The following ZNF189 variants were observed in gnomAD, a reference collection of about 807,000 sequenced individuals.
The protein encoded by ZNF189 is zinc finger protein 189.
Under a neutral mutation model 53.5 loss-of-function variants are expected in ZNF189, and 33 were observed. That is an observed-to-expected ratio of 0.62 (90% confidence interval 0.47 to 0.82). The LOEUF (loss-of-function observed/expected upper bound fraction) is 0.82. Ranked by LOEUF, ZNF189 falls within the 40% of genes least tolerant of loss-of-function variation. The pLI, the probability that ZNF189 is intolerant of heterozygous loss-of-function variation, is 0.00. For missense variants in ZNF189, 711 were observed against 753.9 expected, an observed-to-expected ratio of 0.94 and a Z score of 0.67; for synonymous variants, 247 against 238.8, an observed-to-expected ratio of 1.03 and a Z score of -0.32.
Position 101,409,097 on chromosome 9 carries a change from T to C in ZNF189, c.1329T>C (p.Leu443=), listed in dbSNP as rs916216956. The change falls in exon 3 of 3, where the codon CTT becomes CTC. Residue 443 remains leucine, a synonymous_variant. Transcript: ENST00000339664. ...TKESFDPNCS[L]VIQQEVYPKE... is the part of the protein sequence containing the mutation. Reference sequence around the variant, plus strand: ...AAAGTTTTGATCCAAATTGCAGTCTTGTTATACAGCAGGAAGTCTACCCTA... The same window carrying C: ...AAAGTTTTGATCCAAATTGCAGTCTCGTTATACAGCAGGAAGTCTACCCTA... 6.2e-7 allele frequency: 1 copy of C among 1,613,756 alleles called. No individual in the cohort carries two copies. Among genetic ancestry groups the C allele is most frequent in the Non-Finnish European group, 8.5e-7 (1 of 1,179,968 alleles).
Position 101,409,288 on chromosome 9 carries a change from CT to C in ZNF189, c.1521del (p.Gly508ValfsTer86). 6.2e-7 allele frequency: 1 copy of C among 1,614,180 alleles called. No homozygotes were observed. Among genetic ancestry groups the C allele is most frequent in the Non-Finnish European group, 8.5e-7 (1 of 1,180,018 alleles). On this transcript the variant is annotated frameshift_variant, in exon 3 of 3. Transcript: ENST00000339664. LOFTEE classifies it high-confidence loss of function. ...CTTATTGAACATCAGAGAATCCACACTGGTGAGAGACCCTATCTGTGCAGAC... is the reference window on the plus strand; with the variant it reads ...CTTATTGAACATCAGAGAATCCACACGGTGAGAGACCCTATCTGTGCAGAC... The part of the protein sequence containing the change: ...SFLIEHQRIH[T>X]GERPYLCRQC...
intron 2 of ZNF189, among the ~76,000 whole-genome samples, chr9:101,406,188 G>T (rs1009798035): frequency 6.6e-6 from 1 of 152,072 alleles, no homozygotes; most frequent in African/African-American, 2.4e-5. Context: ...GGAAGAGGTT[G>T]GGCTTGGAAA....
intron 2 of ZNF189, among the ~76,000 whole-genome samples, chr9:101,404,010 G>A (rs549411817): frequency 1.3e-5 from 2 of 152,272 alleles, no homozygotes; most frequent in East Asian, 3.9e-4. Flanking sequence ...AATAACTAGC[G>A]ATTTCAGTTT....
Position 101,402,777 on chromosome 9 carries a change from A to T in ZNF189, c.160+2767A>T, listed in dbSNP as rs545905440. ...TAGCACAGAGCCAGGCCTATATTAT[A>T]TGCTTCTTAAATATTTATATGACTG... On this transcript the variant is annotated intron_variant, in intron 2 of 2. Coordinates refer to ENST00000339664, the MANE Select transcript of ZNF189 (RefSeq NM_003452.4). Among the ~76,000 whole-genome samples the T allele has an allele frequency of 2.6e-5, 4 of 152,142 alleles. No homozygotes were observed. The East Asian group carries it at 7.7e-4, about 29-fold the overall frequency.
At chr9:101,399,830 G>A (rs888399965) in intron 1 of ZNF189, 54 bp from the exon 2 acceptor site, 6 of 1,610,818 alleles carry the variant, frequency 3.7e-6, no homozygotes, top group African/African-American at 1.3e-5. Context: ...ACTTTTAGTG[G>A]TAGAATTGTC....
chr9:101,399,229 G>C, intron 1 of ZNF189, 40 bp downstream of exon 1: 1 of 1,542,594 alleles, frequency 6.5e-7, no homozygotes, highest in Non-Finnish European at 8.9e-7. Context: ...TTGTCTCGCC[G>C]CTACCCCAGC....
In ZNF189 at chr9:101,398,861, T is replaced by C; in HGVS notation, c.-296T>C. 1.7e-6 allele frequency: 1 copy of C among 597,470 alleles called. No homozygotes were observed. Among genetic ancestry groups the C allele is most frequent in the South Asian group, 2.0e-5 (1 of 50,470 alleles). 37.0% of individuals were successfully genotyped at this position (597,470 alleles called of 1,614,324 possible). ...GGTCCGGGGGCGGGCGGTCATAGCG[T>C]TACTTGGCTGCAAGGAGGAGGAACT... On this transcript the variant is annotated 5_prime_UTR_variant, in exon 1 of 3. Transcript: ENST00000339664.
intron 2 of ZNF189, among the ~76,000 whole-genome samples, chr9:101,404,438 T>C (rs1331516358): frequency 6.6e-6 from 1 of 152,206 alleles, no homozygotes; most frequent in East Asian, 1.9e-4. Flanking sequence ...TTGAATCTCT[T>C]TAGCCATTTG....
intron 2 of ZNF189, among the ~76,000 whole-genome samples, chr9:101,403,716 G>A (rs1929488): frequency 0.079 from 12,052 of 152,216 alleles, 542 homozygotes; most frequent in Middle Eastern, 0.16. Context: ...AAACGTTCTG[G>A]TCTTTGTTCC....
In ZNF189 at chr9:101,408,830, T is replaced by C. The variant is rs1352182137; in HGVS notation, c.1062T>C (p.Ser354=). 4 of 1,613,998 alleles carry C rather than the reference T, an allele frequency of 2.5e-6. No individual in the cohort carries two copies. The highest frequency in any genetic ancestry group is 3.4e-6 in the Non-Finnish European group (4 of 1,180,018). Residue 354 remains serine, a synonymous_variant, in exon 3 of 3, where the codon AGT becomes AGC. Coordinates refer to ENST00000339664, the MANE Select transcript of ZNF189 (RefSeq NM_003452.4). ...GTATTGAGTGTGGAAAAAGTTTCAG[T>C]CGGAGCTCATTCCTTATTGAACATC... The part of the protein sequence containing the change: ...FLCIECGKSF[S]RSSFLIEHQR...
chr9:101,401,346 T>C (rs1830525194), intron 2 of ZNF189, among the ~76,000 whole-genome samples: 1 of 152,210 alleles, frequency 6.6e-6, no homozygotes, highest in Non-Finnish European at 1.5e-5. Context: ...TAAAGGCCAA[T>C]AAGCATGAAC....
At position 101,399,149 on chromosome 9, in the gene ZNF189, C is replaced by T. The variant is rs1830432098; in HGVS notation, c.-8C>T. ...CCCCAATTCCTGCCCCTATTCTCTG[C>T]CTGGGAGATGGCTTCCCCGAGCCCC... On this transcript the variant is annotated 5_prime_UTR_variant, in exon 1 of 3. Coordinates refer to ENST00000339664, the MANE Select transcript of ZNF189 (RefSeq NM_003452.4). 1 of 1,591,562 alleles carries T rather than the reference C, an allele frequency of 6.3e-7. No individual in the cohort carries two copies. The highest frequency in any genetic ancestry group is 8.6e-7 in the Non-Finnish European group (1 of 1,160,306).
Position 101,408,283 on chromosome 9 carries a change from G to T in ZNF189, c.515G>T (p.Gly172Val). 1 of 1,614,146 alleles carries T rather than the reference G, an allele frequency of 6.2e-7. No individual in the cohort carries two copies. The highest frequency in any genetic ancestry group is 8.5e-7 in the Non-Finnish European group (1 of 1,180,018). ...HFIQHQRVHT[G>V]EKPFQCNECG... ...ATTCAACATCAAAGGGTCCATACTG[G>T]TGAGAAACCTTTTCAGTGCAATGAA... Residue 172 changes from glycine to valine, a missense_variant, in exon 3 of 3, where the codon GGT (glycine) becomes GTT (valine). Physicochemically the swap from Gly to Val is moderately radical, Grantham distance 109. Coordinates refer to ENST00000339664, the MANE Select transcript of ZNF189 (RefSeq NM_003452.4).
At chr9:101,407,857 G>T in intron 2 of ZNF189, 72 bp from the exon 3 acceptor site, 1 of 1,387,240 alleles carries the variant, frequency 7.2e-7, no homozygotes, top group African/African-American at 1.5e-5. Flanking sequence ...TTCTTTGTTT[G>T]CCCATCTTAC....
chr9:101,408,725 T>G lies in ZNF189; in HGVS notation c.957T>G (p.Gly319=). The G allele has an allele frequency of 6.2e-7, 1 of 1,614,136 alleles. No individual in the cohort carries two copies. Among genetic ancestry groups the G allele is most frequent in the South Asian group, 1.1e-5 (1 of 91,074 alleles). ...CTGGGGAAAGACCCCATAAATGTGG[T>G]GAATGTGGGAAAGCCTTTCGATTAA... The part of the protein sequence containing the change: ...IHTGERPHKC[G]ECGKAFRLST... The change falls in exon 3 of 3, where the codon GGT becomes GGG. Residue 319 remains glycine (G), a synonymous_variant. Coordinates refer to ENST00000339664, the MANE Select transcript of ZNF189 (RefSeq NM_003452.4).
Position 101,398,892 on chromosome 9 carries a change from C to T in ZNF189, c.-265C>T. 2.3e-6 allele frequency: 1 copy of T among 425,586 alleles called. No homozygotes were observed. The highest frequency in any genetic ancestry group is 4.2e-6 in the Non-Finnish European group (1 of 237,278). 26.4% of individuals were successfully genotyped at this position (425,586 alleles called of 1,614,324 possible). A position where few individuals can be genotyped will look rare whatever the true frequency, so the allele number is the denominator to read the frequency against. ...GGCTGCAAGGAGGAGGAACTGGCAG[C>T]GGGGAGGAGGCTCTAGCGAGGCCTG... On this transcript the variant is annotated 5_prime_UTR_variant, in exon 1 of 3. Coordinates refer to ENST00000339664, the MANE Select transcript of ZNF189 (RefSeq NM_003452.4).
At position 101,399,178 on chromosome 9, in the gene ZNF189, C is replaced by G. The variant is rs1246416106; in HGVS notation, c.22C>G (p.Pro8Ala). 1 of 1,595,738 alleles carries G rather than the reference C, an allele frequency of 6.3e-7. No homozygotes were observed. Among genetic ancestry groups the G allele is most frequent in the African/African-American group, 1.3e-5 (1 of 74,390 alleles). ...GGAGATGGCTTCCCCGAGCCCCCCGCCGGAGTCGAAGGTAAGTAAGCACCC... is the reference window on the plus strand; with the variant it reads ...GGAGATGGCTTCCCCGAGCCCCCCGGCGGAGTCGAAGGTAAGTAAGCACCC... MASPSPPPESKGLLTFED... is the reference protein window; with the variant it reads MASPSPPAESKGLLTFED... Residue 8 changes from proline to alanine, a missense_variant, in exon 1 of 3, where the codon CCG becomes GCG. Coordinates refer to ENST00000339664, the MANE Select transcript of ZNF189 (RefSeq NM_003452.4).
rs753746192 is a variant in ZNF189, at chr9:101,407,987, T to G, written c.219T>G (p.Ile73Met). The G allele has an allele frequency of 3.9e-5, 62 of 1,605,334 alleles. No individual in the cohort carries two copies. Among genetic ancestry groups the G allele is most frequent in the Middle Eastern group, 1.7e-4 (1 of 6,036 alleles). ...CTGTAAAACAAGAGATTGAAGAAAT[T>G]GAGGAAGAAGTGGAACCACAGGGTG... Reference protein sequence around the residue: ...EPTVKQEIEEIEEEVEPQGVI... With the variant: ...EPTVKQEIEEMEEEVEPQGVI... Residue 73 changes from isoleucine to methionine, a missense_variant, in exon 3 of 3, where the codon ATT becomes ATG. Transcript: ENST00000339664.
chr9:101,406,781 T>C (rs939126529), intron 2 of ZNF189, among the ~76,000 whole-genome samples: 1 of 152,192 alleles, frequency 6.6e-6, no homozygotes. Context: ...CAGCAAGAGA[T>C]GGAAAATCAG....
Sources: allele counts gnomAD v4.1 joint callset (sites outside exome capture counted in the v4.1 genomes callset), GRCh38; gene constraint gnomAD v4.1.1; transcripts MANE v1.5; gene names NCBI Gene and HGNC (gene_info 2026-07-23, HGNC 2026-07-21).